DST: variants seen among roughly 807,000 people sequenced by gnomAD.
The protein encoded by DST is bullous pemphigoid antigen.
In DST, 253 loss-of-function variants were observed where a neutral mutation model predicts 875.2. That is an observed-to-expected ratio of 0.29 (90% CI 0.26 to 0.32). The LOEUF (loss-of-function observed/expected upper bound fraction) is 0.32. Ranked by LOEUF, DST falls within the 10% of genes least tolerant of loss-of-function variation. The pLI is 1.00. For synonymous variants in DST, 3,124 were observed against 3,197.1 expected (o/e 0.98, Z 0.77); for missense variants, 8,287 against 9,111.6 (o/e 0.91, Z 3.68).
At chr6:56,465,867 T>TAAAAAAA (rs11359681) in intron 99 of DST, among the ~76,000 whole-genome samples, 3 of 112,408 alleles carry the variant, frequency 2.7e-5, no homozygotes, top group African/African-American at 6.0e-5. Context: ...CCAGAAAAAG[T>TAAAAAAA]AAAAAAAAAA....
intron 31 of DST, 109 bp from the exon 32 acceptor site, chr6:56,629,552 G>C (rs2098760191): frequency 2.1e-5 from 18 of 847,536 alleles, no homozygotes; most frequent in African/African-American, 3.4e-5. Flanking sequence ...TAGAAAATAA[G>C]ATAAAGGAAA....
intron 3 of DST, among the ~76,000 whole-genome samples, chr6:56,886,422 G>T (rs1017306534): frequency 6.6e-6 from 1 of 152,134 alleles, no homozygotes; most frequent in African/African-American, 2.4e-5. Context: ...TAATGAATAT[G>T]AGCAGTCTTT....
At chr6:56,940,037 T>C (rs574940780) in intron 2 of DST, among the ~76,000 whole-genome samples, 9 of 151,276 alleles carry the variant, frequency 5.9e-5, no homozygotes, top group Non-Finnish European at 1.3e-4. Flanking sequence ...AAAAAAAAAA[T>C]TTTATATAAA....
At chr6:56,618,972 G>A in intron 36 of DST, 1 of 1,614,160 alleles carries the variant, frequency 6.2e-7, no homozygotes, top group Non-Finnish European at 8.5e-7. Flanking sequence ...GAAGCATTCA[G>A]TTCCGCATTC....
intron 19 of DST, 68 bp downstream of exon 19, chr6:56,639,861 G>T: frequency 6.3e-7 from 1 of 1,580,600 alleles, no homozygotes; most frequent in South Asian, 1.1e-5. Flanking sequence ...GATTTACAGG[G>T]TCTTCATGTA....
intron 5 of DST, among the ~76,000 whole-genome samples, chr6:56,708,807 A>G (rs1269228720): frequency 6.6e-6 from 1 of 152,246 alleles, no homozygotes; most frequent in Admixed American, 6.5e-5. Flanking sequence ...GGGAAAGAAA[A>G]GAAGGGAAAG....
At chr6:56,483,959 C>A (rs2095485068) in intron 88 of DST, 1 of 152,100 alleles carries the variant, frequency 6.6e-6, no homozygotes, top group Non-Finnish European at 1.5e-5. Flanking sequence ...GGTACAGTAT[C>A]TAAATATCCC....
At chr6:56,596,976 C>T (rs967130639) in intron 47 of DST, among the ~76,000 whole-genome samples, 1 of 152,174 alleles carries the variant, frequency 6.6e-6, no homozygotes, top group African/African-American at 2.4e-5. Context: ...GACACAGTGG[C>T]TCATGCCTGT....
intron 3 of DST, chr6:56,861,784 A>G (rs1317601650): frequency 6.6e-6 from 1 of 152,156 alleles, no homozygotes. Flanking sequence ...TGGAGGCACA[A>G]ATGTTCCCTC....
Position 56,606,147 on chromosome 6 carries a change from C to T in DST, c.8481G>A (p.Arg2827=). ...CCATATCTTCAGCCACATTTTGGCACCTGGGCTTTCCATTCTCATCTCTTA... is the reference window on the plus strand; with the variant it reads ...CCATATCTTCAGCCACATTTTGGCATCTGGGCTTTCCATTCTCATCTCTTA... ...GGIRDENGKP[R]CQNVAEDMDI... The change falls in exon 40 of 104, where the codon AGG becomes AGA. Residue 2827 remains arginine (R), a synonymous_variant. Transcript: ENST00000680361. 1 of 1,609,610 alleles carries T rather than the reference C, an allele frequency of 6.2e-7. No homozygotes were observed. The highest frequency in any genetic ancestry group is 8.5e-7 in the Non-Finnish European group (1 of 1,177,252).
chr6:56,916,778 TCACACACACACACACACACACACA>T (rs70989742), intron 2 of DST, among the ~76,000 whole-genome samples: 2 of 91,344 alleles, frequency 2.2e-5, no homozygotes, highest in South Asian at 4.8e-4. Flanking sequence ...TCTCTCTCTC[TCACACACACACACACACACACACA>T]CACACACACA....
rs1562586282 is a variant in DST at position 56,530,008 on chromosome 6, G to A, written c.17234C>T (p.Ala5745Val). The change falls in exon 65 of 104, where the codon GCA becomes GTA. Residue 5745 changes from alanine to valine, a missense_variant. Transcript: ENST00000680361. ...TGCAATTTGTTCCTCAAGTTTAGAT[G>A]CTTGGGTTCCTATGGGTTCACAATT... is the stretch of plus-strand genomic sequence containing the variant. ...LVNCEPIGTQ[A>V]SKLEEQIAQH... 7 of 1,613,086 alleles carry A rather than the reference G, an allele frequency of 4.3e-6. No homozygotes were observed. Among genetic ancestry groups the A allele is most frequent in the Non-Finnish European group, 5.9e-6 (7 of 1,179,646 alleles).
In DST at chr6:56,598,005, A is replaced by C; in HGVS notation, c.11930T>G (p.Val3977Gly). The C allele has an allele frequency of 6.3e-7, 1 of 1,583,074 alleles. No homozygotes were observed. The highest frequency in any genetic ancestry group is 8.6e-7 in the Non-Finnish European group (1 of 1,163,138). ...CTCTTCCAGCTGCTTCACTGCTGCT[A>C]CCTGGGAAGGGAAAGTTCACAGGAG... is the stretch of plus-strand genomic sequence containing the variant. The part of the protein sequence containing the change: ...TTAIKEETEK[V>G]AAVKQLEESK... The change falls in exon 47 of 104, where the codon GTA becomes GGA. Residue 3977 changes from valine (V) to glycine (G), a missense_variant and splice_region_variant. Coordinates refer to ENST00000680361, the MANE Select transcript of DST (RefSeq NM_001374736.1).
intron 4 of DST, among the ~76,000 whole-genome samples, chr6:56,774,521 A>G (rs1445475326): frequency 6.6e-6 from 1 of 152,208 alleles, no homozygotes; most frequent in Non-Finnish European, 1.5e-5. Context: ...TGGCTCTTTT[A>G]CTGCCATCTT....
intron 4 of DST, among the ~76,000 whole-genome samples, chr6:56,801,893 G>GC (rs1418703555): frequency 6.6e-6 from 1 of 151,972 alleles, no homozygotes; most frequent in Non-Finnish European, 1.5e-5. Context: ...GGGATTACAG[G>GC]CATGTGCCAC....
At chr6:56,670,508 T>C in intron 10 of DST, 133 bp downstream of exon 10, 2 of 781,480 alleles carry the variant, frequency 2.6e-6, no homozygotes, top group South Asian at 2.6e-5. Flanking sequence ...CAATTTTTTA[T>C]TTTAATTTTT....
chr6:56,616,774 C>T, intron 36 of DST: 1 of 1,614,164 alleles, frequency 6.2e-7, no homozygotes, highest in South Asian at 1.1e-5. Flanking sequence ...TTCTATTTTC[C>T]ATAGCTTGAA....
intron 55 of DST, among the ~76,000 whole-genome samples, chr6:56,567,428 G>GAAA (rs2097697635): frequency 2.7e-5 from 2 of 74,390 alleles, no homozygotes; most frequent in African/African-American, 1.1e-4. Context: ...GTTACCAAGA[G>GAAA]TAAAAAAAAA....
At chr6:56,627,925 T>C (rs866447069) in intron 33 of DST, 74 bp downstream of exon 33, 5 of 1,404,000 alleles carry the variant, frequency 3.6e-6, no homozygotes, top group Middle Eastern at 4.0e-4. Context: ...TCATTTAACA[T>C]AGGAAAGGAA....
Sources: gnomAD v4.1 joint callset for allele counts (sites outside exome capture counted in the v4.1 genomes callset) on GRCh38, gnomAD v4.1.1 for gene constraint, MANE v1.5 for transcripts, NCBI Gene and HGNC (gene_info 2026-07-23, HGNC 2026-07-21) for gene names.